Variants in SECISBP2 observed in about 807,000 individuals in gnomAD.
SECISBP2 encodes selenocysteine insertion sequence-binding protein 2.
A neutral mutation model predicts 98.2 loss-of-function variants in SECISBP2; 96 were observed. The ratio of observed to expected loss-of-function variants is 0.98; its 90% CI spans 0.83 to 1.16. The LOEUF is 1.16. Among genes scored for constraint, SECISBP2 ranks in the 50% most tolerant of loss-of-function variants. The pLI is 0.00. For synonymous variants in SECISBP2, 407 were observed against 370.2 expected (o/e 1.10, Z -1.14); for missense variants, 1,046 against 1,022.9 (o/e 1.02, Z -0.31).
rs1002826223 is a variant in SECISBP2, at chr9:89,359,151, G to A, written c.*327G>A. 2 of 356,238 alleles carry A rather than the reference G, an allele frequency of 5.6e-6. No homozygotes were observed. Among genetic ancestry groups the A allele is most frequent in the Non-Finnish European group, 1.1e-5 (2 of 185,250 alleles). The allele number at this position is 356,238 out of a possible 1,614,324, so 22.1% of individuals were successfully genotyped here. A position where few individuals can be genotyped will look rare whatever the true frequency, so the allele number is the denominator to read the frequency against. On this transcript the variant is annotated 3_prime_UTR_variant, in exon 17 of 17. Transcript: ENST00000375807. Reference sequence around the variant, plus strand: ...CTGCTAAGGAAACTTCCTCTCCATTGCAGAATAGCTGAGCCAAGTGAGTGA... The same window carrying A: ...CTGCTAAGGAAACTTCCTCTCCATTACAGAATAGCTGAGCCAAGTGAGTGA...
At chr9:89,360,342 G>A (rs1286952465), downstream of SECISBP2, among the ~76,000 whole-genome samples, 1 of 152,162 alleles carries the variant, frequency 6.6e-6, no homozygotes, top group African/African-American at 2.4e-5. Context: ...TTGAAAATAG[G>A]AGATTATTTG....
Position 89,357,486 on chromosome 9 carries a change from A to G in SECISBP2, c.2189A>G (p.Asn730Ser), listed in dbSNP as rs1832268069. 2.5e-6 allele frequency: 4 copies of G among 1,614,104 alleles called. No individual in the cohort carries two copies. The highest frequency in any genetic ancestry group is 1.7e-5 in the Admixed American group (1 of 60,014). The change falls in exon 15 of 17, where the codon AAC becomes AGC. Residue 730 changes from asparagine to serine, a missense_variant. By Grantham distance (46) the Asn-to-Ser change is conservative. Coordinates refer to ENST00000375807, the MANE Select transcript of SECISBP2 (RefSeq NM_024077.5). ...AACATTCCCTTTGTGTTTGCTCTCA[A>G]CCGCAAAGCTCTGGGGCGCAGTTTG... ...EQNIPFVFALNRKALGRSLNK... is the reference protein window; with the variant it reads ...EQNIPFVFALSRKALGRSLNK...
chr9:89,346,451 T>C (rs1415931755), intron 10 of SECISBP2, among the ~76,000 whole-genome samples: 1 of 151,946 alleles, frequency 6.6e-6, no homozygotes, highest in African/African-American at 2.4e-5. Context: ...CGGAAACCAA[T>C]AGGGCCAGCT....
intron 4 of SECISBP2, 139 bp downstream of exon 4, chr9:89,326,177 T>G: frequency 9.9e-7 from 1 of 1,014,358 alleles, no homozygotes; most frequent in Non-Finnish European, 1.5e-6. Context: ...TGACACAGCT[T>G]AGGGCGTCAG....
downstream of SECISBP2, chr9:89,362,480 C>G (rs1360958975): frequency 6.2e-7 from 1 of 1,613,782 alleles, no homozygotes; most frequent in Non-Finnish European, 8.5e-7. Context: ...TGGGCCTTTC[C>G]TGCTCTGCAG....
At chr9:89,339,540 T>G (rs759943066) in intron 8 of SECISBP2, among the ~76,000 whole-genome samples, 16 of 152,234 alleles carry the variant, frequency 1.1e-4, no homozygotes, top group Non-Finnish European at 1.6e-4. Context: ...GGATGGTTTC[T>G]CTAATGAAAA....
In SECISBP2 at chr9:89,341,424, G is replaced by A. The variant is rs769072943; in HGVS notation, c.1380G>A (p.Glu460=). The change falls in exon 10 of 17, where the codon GAG becomes GAA. Residue 460 remains glutamate, a synonymous_variant. Coordinates refer to ENST00000375807, the MANE Select transcript of SECISBP2 (RefSeq NM_024077.5). ...TGGGGGGCATGCTGACAGCCCTGGAGAAGAAGCAGCACTCTCAGCATGCAA... is the reference window on the plus strand; with the variant it reads ...TGGGGGGCATGCTGACAGCCCTGGAAAAGAAGCAGCACTCTCAGCATGCAA... The part of the protein sequence containing the change: ...LDLGGMLTAL[E]KKQHSQHAKQ... 16 of 1,614,008 alleles carry A rather than the reference G, an allele frequency of 9.9e-6. No homozygotes were observed. In the Admixed American group the frequency reaches 1.2e-4, roughly 12 times the overall value.
rs1244540185 is a variant in SECISBP2, at chr9:89,341,414, C to T, written c.1370C>T (p.Thr457Ile). The T allele has an allele frequency of 1.2e-6, 2 of 1,613,930 alleles. No homozygotes were observed. The highest frequency in any genetic ancestry group is 1.7e-6 in the Non-Finnish European group (2 of 1,179,958). ...PVQLDLGGML[T>I]ALEKKQHSQH... Reference sequence around the variant, plus strand: ...CAGTTGGACTTGGGGGGCATGCTGACAGCCCTGGAGAAGAAGCAGCACTCT... The same window carrying T: ...CAGTTGGACTTGGGGGGCATGCTGATAGCCCTGGAGAAGAAGCAGCACTCT... The change falls in exon 10 of 17, where the codon ACA becomes ATA. Residue 457 changes from threonine to isoleucine, a missense_variant. Coordinates refer to ENST00000375807, the MANE Select transcript of SECISBP2 (RefSeq NM_024077.5).
rs774611487 is a variant in SECISBP2, at chr9:89,325,524, C to G, written c.280C>G (p.Pro94Ala). ...AACTCTTCATCCATATGCCTATTCTCCTTATACCCTTGACTCCACACAGAA... is the reference window on the plus strand; with the variant it reads ...AACTCTTCATCCATATGCCTATTCTGCTTATACCCTTGACTCCACACAGAA... ...EITLHPYAYS[P>A]YTLDSTQNVY... The change falls in exon 3 of 17, where the codon CCT (proline) becomes GCT (alanine). Residue 94 changes from proline (P) to alanine (A), a missense_variant. Physicochemically the swap from Pro to Ala is conservative, Grantham distance 27 (BLOSUM62 -1). Coordinates refer to ENST00000375807, the MANE Select transcript of SECISBP2 (RefSeq NM_024077.5). The G allele has an allele frequency of 6.2e-7, 1 of 1,613,892 alleles. No homozygotes were observed. Among genetic ancestry groups the G allele is most frequent in the Non-Finnish European group, 8.5e-7 (1 of 1,179,974 alleles).
Position 89,338,488 on chromosome 9 carries a change from C to A in SECISBP2, c.1120C>A (p.Gln374Lys), listed in dbSNP as rs761377746. ...SKASQGSDLE[Q>K]NEASRKNKKK... is the part of the protein sequence containing the mutation. ...AGCATCACAAGGTAGTGACCTTGAACAAAATGAAGCCTCAAGAAAGAATAA... is the reference window on the plus strand; with the variant it reads ...AGCATCACAAGGTAGTGACCTTGAAAAAAATGAAGCCTCAAGAAAGAATAA... The change falls in exon 8 of 17, where the codon CAA (glutamine) becomes AAA (lysine). Residue 374 changes from glutamine (Q) to lysine (K), a missense_variant. Physicochemically the swap from Gln to Lys is moderately conservative, Grantham distance 53 (BLOSUM62 1). Coordinates refer to ENST00000375807, the MANE Select transcript of SECISBP2 (RefSeq NM_024077.5). 6.2e-7 allele frequency: 1 copy of A among 1,613,392 alleles called. No homozygotes were observed. The highest frequency in any genetic ancestry group is 8.5e-7 in the Non-Finnish European group (1 of 1,179,844).
At position 89,325,329 on chromosome 9, in the gene SECISBP2, C is replaced by T. The variant is rs1424711231; in HGVS notation, c.183-98C>T. Reference sequence around the variant, plus strand: ...ATTCCAGTGCTAGAGTGAATGGTCTCAGAAATATTAAATGTTCAGTTTGAA... The same window carrying T: ...ATTCCAGTGCTAGAGTGAATGGTCTTAGAAATATTAAATGTTCAGTTTGAA... On this transcript the variant is annotated intron_variant, in intron 2 of 16. Coordinates refer to ENST00000375807, the MANE Select transcript of SECISBP2 (RefSeq NM_024077.5). The T allele has an allele frequency of 4.3e-6, 5 of 1,173,630 alleles. No individual in the cohort carries two copies. The East Asian group carries it at 7.2e-5, about 17-fold the overall frequency. 72.7% of individuals were successfully genotyped at this position (1,173,630 alleles called of 1,614,324 possible).
At chr9:89,336,517 A>T (rs1828742028) in intron 7 of SECISBP2, among the ~76,000 whole-genome samples, 1 of 152,138 alleles carries the variant, frequency 6.6e-6, no homozygotes, top group Admixed American at 6.5e-5. Context: ...TTGATTTCCA[A>T]AAATGTAATT....
chr9:89,366,954 C>CAT, the SECISBP2 span, among the ~76,000 whole-genome samples: 1 of 152,096 alleles, frequency 6.6e-6, no homozygotes, highest in Admixed American at 6.5e-5. Context: ...GATTAATCAC[C>CAT]CAACGCCCCA....
intron 2 of SECISBP2, among the ~76,000 whole-genome samples, chr9:89,320,868 A>ACT (rs1356103261): frequency 1.3e-5 from 2 of 152,182 alleles, no homozygotes; most frequent in Non-Finnish European, 2.9e-5. Flanking sequence ...TAAGAATCCT[A>ACT]ATGCTTTTTT....
At chr9:89,340,961 G>A (rs534351505) in intron 9 of SECISBP2, among the ~76,000 whole-genome samples, 177 of 152,288 alleles carry the variant, frequency 1.2e-3, no homozygotes, top group African/African-American at 4.1e-3. Flanking sequence ...TTGGTTTACG[G>A]AGGCATTTGG....
Position 89,334,641 on chromosome 9 carries a change from C to G in SECISBP2, c.1000C>G (p.Pro334Ala). Residue 334 changes from proline to alanine, a missense_variant, in exon 7 of 17, where the codon CCT becomes GCT. Transcript: ENST00000375807. Reference protein sequence around the residue: ...NLKTIASSADPKNVSIPSSEA... With the variant: ...NLKTIASSADAKNVSIPSSEA... Reference sequence around the variant, plus strand: ...AAAGACCATTGCTTCATCAGCAGATCCTAAAAATGTTAGTATACCATCTTC... The same window carrying G: ...AAAGACCATTGCTTCATCAGCAGATGCTAAAAATGTTAGTATACCATCTTC... The G allele has an allele frequency of 6.2e-7, 1 of 1,613,908 alleles. No homozygotes were observed.
intron 1 of SECISBP2, among the ~76,000 whole-genome samples, 182 bp from the exon 2 acceptor site, chr9:89,319,470 A>G (rs1306652397): frequency 7.2e-6 from 1 of 139,334 alleles, no homozygotes; most frequent in Non-Finnish European, 1.5e-5. Context: ...CCTTTTCTAC[A>G]AAAAAAAAAG....
intron 1 of SECISBP2, 112 bp from the exon 2 acceptor site, chr9:89,319,537 AAAC>A: frequency 8.1e-7 from 1 of 1,227,722 alleles, no homozygotes; most frequent in East Asian, 2.3e-5. Context: ...AGAAGTTTTT[AAAC>A]AACATCGGGA....
chr9:89,346,991 G>A lies in SECISBP2; in HGVS notation c.1545G>A (p.Met515Ile), dbSNP rs374768137. ...CCTTGGACTCCAGCGCCCCACTGAT[G>A]AAGAAAGGGAAGCAGAGGGAGATCC... The part of the protein sequence containing the change: ...HNPLDSSAPL[M>I]KKGKQREIPK... Residue 515 changes from methionine (M) to isoleucine (I), a missense_variant, in exon 11 of 17, where the codon ATG (methionine) becomes ATA (isoleucine). Transcript: ENST00000375807. The A allele has an allele frequency of 3.3e-5, 54 of 1,614,088 alleles. No homozygotes were observed. The African/African-American group carries it at 5.5e-4, about 16-fold the overall frequency.
Sources: gnomAD v4.1 joint callset for allele counts (sites outside exome capture counted in the v4.1 genomes callset) on GRCh38, gnomAD v4.1.1 for gene constraint, MANE v1.5 for transcripts, NCBI Gene and HGNC (gene_info 2026-07-23, HGNC 2026-07-21) for gene names.